Variants in MAST2 observed in about 807,000 individuals in gnomAD.
MAST2 encodes the protein microtubule associated serine/threonine kinase 2.
A neutral mutation model predicts 147.4 loss-of-function variants in MAST2; 70 were observed. The ratio of observed to expected loss-of-function variants is 0.47; its 90% CI spans 0.39 to 0.58. The LOEUF (loss-of-function observed/expected upper bound fraction) is 0.58, where lower values mean the gene tolerates loss of function less well. Ranked by LOEUF, MAST2 falls within the 20% of genes least tolerant of loss-of-function variation. The probability of loss-of-function intolerance (pLI) is 0.00; values close to 1 mark genes in which losing one functional copy is unlikely to be tolerated. For missense variants in MAST2, 2,080 were observed against 2,302.3 expected, an observed-to-expected ratio of 0.90 and a Z score of 1.98; for synonymous variants, 869 against 896.8, an observed-to-expected ratio of 0.97 and a Z score of 0.55.
intron 4 of MAST2, among the ~76,000 whole-genome samples, chr1:45,885,308 A>ATCCT (rs1249158094): frequency 4.6e-5 from 7 of 152,296 alleles, no homozygotes; most frequent in Admixed American, 4.6e-4. Flanking sequence ...CCTCTGATAT[A>ATCCT]TCCTTCATGG....
intron 3 of MAST2, among the ~76,000 whole-genome samples, chr1:45,857,704 A>T (rs1369617382): frequency 6.6e-6 from 1 of 152,058 alleles, no homozygotes; most frequent in Non-Finnish European, 1.5e-5. Context: ...GCACCCATTA[A>T]CTTGTCATTT....
At chr1:45,976,335 A>G (rs1240082495) in intron 5 of MAST2, among the ~76,000 whole-genome samples, 1 of 152,084 alleles carries the variant, frequency 6.6e-6, no homozygotes, top group East Asian at 1.9e-4. Context: ...AGTGAGTCAC[A>G]CTTGTAATCC....
At chr1:45,883,097 A>T (rs1485121277) in intron 4 of MAST2, among the ~76,000 whole-genome samples, 1 of 152,188 alleles carries the variant, frequency 6.6e-6, no homozygotes, top group Admixed American at 6.5e-5. Context: ...TACCTAAAAC[A>T]TACTCATATT....
chr1:45,827,287 T>C (rs1463963891), intron 2 of MAST2, among the ~76,000 whole-genome samples: 2 of 152,220 alleles, frequency 1.3e-5, no homozygotes, highest in Non-Finnish European at 2.9e-5. Context: ...TTTCTTTTTT[T>C]CTGTGTTATT....
At chr1:45,929,275 C>T (rs1198425546) in intron 4 of MAST2, among the ~76,000 whole-genome samples, 2 of 152,160 alleles carry the variant, frequency 1.3e-5, no homozygotes, top group Admixed American at 6.5e-5. Flanking sequence ...TCAGCTTAGA[C>T]TCTTTCCTGA....
intron 1 of MAST2, among the ~76,000 whole-genome samples, chr1:45,813,825 T>G (rs1438858827): frequency 1.3e-5 from 2 of 152,144 alleles, no homozygotes; most frequent in Non-Finnish European, 2.9e-5. Flanking sequence ...ATTAAAATTT[T>G]TTTTTAAATA....
intron 5 of MAST2, among the ~76,000 whole-genome samples, chr1:45,985,464 T>C (rs1350415827): frequency 6.6e-6 from 1 of 152,242 alleles, no homozygotes; most frequent in Non-Finnish European, 1.5e-5. Context: ...ATCTGTCATC[T>C]CCTAAAGTTT....
At chr1:45,893,652 C>G (rs1026277469) in intron 4 of MAST2, among the ~76,000 whole-genome samples, 5 of 150,708 alleles carry the variant, frequency 3.3e-5, no homozygotes, top group African/African-American at 1.2e-4. Context: ...TAAAATCTGG[C>G]AGAGTTCTGT....
chr1:45,835,944 C>CT (rs1444774908), intron 3 of MAST2, among the ~76,000 whole-genome samples: 2 of 152,084 alleles, frequency 1.3e-5, no homozygotes, highest in Non-Finnish European at 2.9e-5. Context: ...TACTTTATTC[C>CT]TTTTTTATGG....
rs202082116 is a variant in MAST2, at chr1:46,034,099, A to G, written c.3701A>G (p.Lys1234Arg). The G allele has an allele frequency of 1.3e-4, 212 of 1,613,668 alleles. No individual in the cohort carries two copies. The highest frequency in any genetic ancestry group is 1.6e-4 in the Middle Eastern group (1 of 6,082). The change falls in exon 28 of 29, where the codon AAG becomes AGG. Residue 1234 changes from lysine (K) to arginine (R), a missense_variant. Lys to Arg is a conservative substitution (Grantham distance 26). Around this residue, in one of 4 missense-constraint regions of MAST2, gnomAD observed 1,278 missense variants for 1,304.2 expected, o/e 0.98. Coordinates refer to ENST00000361297, the MANE Select transcript of MAST2 (RefSeq NM_015112.3). ...AGAAAAAGGAGCTCCCTGTTCCGCA[A>G]GATCACCAAGCAAGCATCCCTGCTC... Reference protein sequence around the residue: ...ESRKRSSLFRKITKQASLLHT... With the variant: ...ESRKRSSLFRRITKQASLLHT...
rs149969137 is a variant in MAST2, at chr1:45,987,936, A to G, written c.593-9788A>G. 4.2e-4 allele frequency among the ~76,000 whole-genome samples: 63 copies of G among 151,548 alleles called. 1 individual carries two copies. The Middle Eastern group carries it at 0.035, about 84-fold the overall frequency. On this transcript the variant is annotated intron_variant, in intron 5 of 28. Transcript: ENST00000361297. ...TAGTCTTTCCTTTCTAATATAGTGT[A>G]GTGATATAATTTCCTTTCTAATATA...
At chr1:45,877,148 G>A (rs1193384986) in intron 3 of MAST2, among the ~76,000 whole-genome samples, 1 of 152,218 alleles carries the variant, frequency 6.6e-6, no homozygotes, top group Non-Finnish European at 1.5e-5. Context: ...AGAAGTCCAA[G>A]ATCAAGGTGT....
intron 2 of MAST2, among the ~76,000 whole-genome samples, chr1:45,826,239 G>A (rs181988940): frequency 3.9e-4 from 60 of 152,286 alleles, no homozygotes; most frequent in African/African-American, 1.4e-3. Flanking sequence ...GGTTGTGTTT[G>A]ACTGTTCTTT....
At chr1:45,939,266 T>C (rs1656772545) in intron 4 of MAST2, among the ~76,000 whole-genome samples, 1 of 152,190 alleles carries the variant, frequency 6.6e-6, no homozygotes, top group Non-Finnish European at 1.5e-5. Flanking sequence ...CTGGAAAGGG[T>C]ATCCTTCTAC....
chr1:45,931,013 C>T (rs915064216), intron 4 of MAST2, among the ~76,000 whole-genome samples: 1 of 152,164 alleles, frequency 6.6e-6, no homozygotes, highest in African/African-American at 2.4e-5. Context: ...ATACTTCCTA[C>T]AGAGACATTT....
intron 1 of MAST2, among the ~76,000 whole-genome samples, chr1:45,822,178 C>T (rs571118094): frequency 1.1e-4 from 17 of 152,110 alleles, no homozygotes; most frequent in African/African-American, 3.9e-4. Flanking sequence ...CATGAGCCAC[C>T]GTGCCTGGCT....
intron 3 of MAST2, among the ~76,000 whole-genome samples, chr1:45,840,650 A>C (rs1413310748): frequency 1.3e-5 from 2 of 152,216 alleles, no homozygotes. Flanking sequence ...GGCAGCCAAA[A>C]GCTACCTCCC....
At chr1:46,024,082 C>T in intron 15 of MAST2, 102 bp downstream of exon 15, 1 of 1,092,066 alleles carries the variant, frequency 9.2e-7, no homozygotes, top group South Asian at 1.3e-5. Context: ...GTTTCAGGGC[C>T]CAGCTTTCCA....
At chr1:45,875,243 C>T (rs1481954454) in intron 3 of MAST2, among the ~76,000 whole-genome samples, 1 of 152,096 alleles carries the variant, frequency 6.6e-6, no homozygotes, top group Non-Finnish European at 1.5e-5. Context: ...GTCAGGAGTT[C>T]GAGACCAGCC....
Sources: allele counts gnomAD v4.1 joint callset (sites outside exome capture counted in the v4.1 genomes callset), GRCh38; gene constraint gnomAD v4.1.1; regional missense constraint gnomAD v4.1.1; transcripts MANE v1.5; gene names NCBI Gene and HGNC (gene_info 2026-07-23, HGNC 2026-07-21).